The following GPR26 variants were observed in gnomAD, a reference collection of about 807,000 sequenced individuals.
GPR26 encodes G protein-coupled receptor 26.
In GPR26, 15 loss-of-function variants were observed where a neutral mutation model predicts 23.1. That is an observed-to-expected ratio of 0.65 (90% CI 0.43 to 1.00). GPR26 has a LOEUF of 1.00. Ranked by LOEUF, GPR26 falls within the 50% of genes least tolerant of loss-of-function variation. GPR26 has a pLI of 0.00. For missense variants in GPR26, 359 were observed against 470.5 expected (o/e 0.76, Z 2.19); for synonymous variants, 228 against 222.1 (o/e 1.03, Z -0.24).
intron 2 of GPR26, among the ~76,000 whole-genome samples, chr10:123,681,971 G>C (rs1048489577): frequency 1.3e-5 from 2 of 152,184 alleles, no homozygotes; most frequent in Non-Finnish European, 2.9e-5. Context: ...CATATGGGTA[G>C]GGAGTGACTG....
intron 2 of GPR26, among the ~76,000 whole-genome samples, chr10:123,675,809 TGTGTGTGTACGTGTGTGTGTGTAC>T (rs1845299972): frequency 1.7e-5 from 2 of 116,412 alleles, no homozygotes; most frequent in East Asian, 3.9e-4. Flanking sequence ...TGTGTGTGTG[TGTGTGTGTACGTGTGTGTGTGTAC>T]GTGTGTGTGT....
chr10:123,696,242 C>CT lies in GPR26; in HGVS notation c.*8085dup, dbSNP rs958009896. ...ACACACTCATTTCGCCACACGGAGG[C>CT]TTTACTCTGCCCAGTGTCCAATGGG... On this transcript the variant is annotated 3_prime_UTR_variant, in exon 3 of 3. Transcript: ENST00000284674. Among the ~76,000 whole-genome samples the CT allele has an allele frequency of 6.6e-6, 1 of 152,176 alleles. No homozygotes were observed. The highest frequency in any genetic ancestry group is 2.4e-5 in the African/African-American group (1 of 41,456).
chr10:123,687,829 CGAAACCGTGG>C lies in GPR26; in HGVS notation c.783-99_783-90del. On this transcript the variant is annotated intron_variant, in intron 2 of 2. Coordinates refer to ENST00000284674, the MANE Select transcript of GPR26 (RefSeq NM_153442.4). ...CTCAGATAAATTGAGGGTTGGGCTG[CGAAACCGTGG>C]TCTGCAGGGCACAGACAGGCCCTGG... 3 of 739,538 alleles carry C rather than the reference CGAAACCGTGG, an allele frequency of 4.1e-6. No homozygotes were observed. The South Asian group carries it at 4.8e-5, about 12-fold the overall frequency. 45.8% of individuals were successfully genotyped at this position (739,538 alleles called of 1,614,324 possible).
In GPR26 at chr10:123,689,872, C is replaced by T. The variant is rs1470081805; in HGVS notation, c.*1712C>T. 1.3e-5 allele frequency: 2 copies of T among 152,164 alleles called. No homozygotes were observed. Among genetic ancestry groups the T allele is most frequent in the African/African-American group, 4.8e-5 (2 of 41,418 alleles). 9.4% of individuals were successfully genotyped at this position (152,164 alleles called of 1,614,324 possible). A position where few individuals can be genotyped will look rare whatever the true frequency, so the allele number is the denominator to read the frequency against. ...GTAGCTTCCAAGGAGGCCTTGGCAT[C>T]TTGCAGTTGCTGTCAGAGATGGGCT... On this transcript the variant is annotated 3_prime_UTR_variant, in exon 3 of 3. Coordinates refer to ENST00000284674, the MANE Select transcript of GPR26 (RefSeq NM_153442.4).
chr10:123,683,522 A>G (rs1052484724), intron 2 of GPR26, among the ~76,000 whole-genome samples: 1 of 152,330 alleles, frequency 6.6e-6, no homozygotes, highest in African/African-American at 2.4e-5. Context: ...GTCTCTCCAG[A>G]GGCTCAGAGA....
At chr10:123,681,500 G>A (rs1337013639) in intron 2 of GPR26, among the ~76,000 whole-genome samples, 1 of 152,198 alleles carries the variant, frequency 6.6e-6, no homozygotes, top group Non-Finnish European at 1.5e-5. Context: ...CAGCCTTGCC[G>A]CTTCCACCCG....
rs1375421987 is a variant in GPR26, at chr10:123,692,673, T to C, written c.*4513T>C. ...TGCAGGTTCAGGGGAGAAAGTTGTT[T>C]GAGATCAGGGTTTAGGGGTAGTGTT... On this transcript the variant is annotated 3_prime_UTR_variant, in exon 3 of 3. Coordinates refer to ENST00000284674, the MANE Select transcript of GPR26 (RefSeq NM_153442.4). The C allele has an allele frequency of 6.6e-6, 1 of 152,258 alleles. No homozygotes were observed. Among genetic ancestry groups the C allele is most frequent in the Non-Finnish European group, 1.5e-5 (1 of 68,084 alleles). 9.4% of individuals were successfully genotyped at this position (152,258 alleles called of 1,614,324 possible).
rs1480087718 is a variant in GPR26, at chr10:123,690,336, T to A, written c.*2176T>A. 6.6e-6 allele frequency: 1 copy of A among 152,200 alleles called. No homozygotes were observed. The highest frequency in any genetic ancestry group is 2.4e-5 in the African/African-American group (1 of 41,442). 9.4% of individuals were successfully genotyped at this position (152,200 alleles called of 1,614,324 possible). A position where few individuals can be genotyped will look rare whatever the true frequency, so the allele number is the denominator to read the frequency against. On this transcript the variant is annotated 3_prime_UTR_variant, in exon 3 of 3. Transcript: ENST00000284674. ...AGTTGGGCAAAAGTGGCCCAGTGCG[T>A]GAGGTCAGTCAACAGCCAAATTCCA...
intron 2 of GPR26, among the ~76,000 whole-genome samples, chr10:123,675,384 T>A (rs1023646276): frequency 6.6e-6 from 1 of 152,126 alleles, no homozygotes; most frequent in African/African-American, 2.4e-5. Context: ...ACCTGCCACC[T>A]GCACAGGGAG....
chr10:123,688,560 G>C lies in GPR26; in HGVS notation c.*400G>C, dbSNP rs529184064. 1.8e-5 allele frequency: 4 copies of C among 226,162 alleles called. No homozygotes were observed. The highest frequency in any genetic ancestry group is 2.7e-5 in the Non-Finnish European group (3 of 112,970). 14.0% of individuals were successfully genotyped at this position (226,162 alleles called of 1,614,324 possible). On this transcript the variant is annotated 3_prime_UTR_variant, in exon 3 of 3. Transcript: ENST00000284674. ...TGCTCCATGCTGAAGAAAAGTGACA[G>C]TCTCCAGGGGACATTTCAGCCATGC...
intron 1 of GPR26, 72 bp downstream of exon 1, chr10:123,667,147 C>G: frequency 8.8e-7 from 1 of 1,142,696 alleles, no homozygotes; most frequent in Non-Finnish European, 1.2e-6. Context: ...GTCCCTAGCC[C>G]CAGGGGCTCT....
intron 1 of GPR26, among the ~76,000 whole-genome samples, chr10:123,668,141 C>G (rs1845209437): frequency 6.6e-6 from 1 of 152,116 alleles, no homozygotes; most frequent in African/African-American, 2.4e-5. Flanking sequence ...CCCTGGGAAC[C>G]CAGGGGAGCC....
rs1165053977 is a variant in GPR26 at position 123,666,479 on chromosome 10, G to C, written c.72G>C (p.Ala24=). ...TGGGCGTCTCGCTGCTGTCCAACGC[G>C]CTGGTGCTGCTCTGCCTGCTGCACA... The part of the protein sequence containing the change: ...GTMGVSLLSN[A]LVLLCLLHSA... The change falls in exon 1 of 3, where the codon GCG becomes GCC. Residue 24 remains alanine, a synonymous_variant. Transcript: ENST00000284674. The C allele has an allele frequency of 1.3e-6, 2 of 1,560,260 alleles. No individual in the cohort carries two copies. The highest frequency in any genetic ancestry group is 2.3e-5 in the South Asian group (2 of 85,148).
At chr10:123,667,812 G>C (rs1845205106) in intron 1 of GPR26, among the ~76,000 whole-genome samples, 1 of 152,152 alleles carries the variant, frequency 6.6e-6, no homozygotes, top group South Asian at 2.1e-4. Context: ...CAGGAGGGCA[G>C]ATGGAGCTGG....
chr10:123,675,805 T>TGTGTGTGTGTGTGTGTGTGTGTAC (rs1564731048), intron 2 of GPR26, among the ~76,000 whole-genome samples: 11 of 119,728 alleles, frequency 9.2e-5, no homozygotes, highest in Middle Eastern at 8.2e-3. Flanking sequence ...TTTCTGTGTG[T>TGTGTGTGTGTGTGTGTGTGTGTAC]GTGTGTGTGT....
In GPR26 at chr10:123,666,426, G is replaced by T; in HGVS notation, c.19G>T (p.Gly7Cys). Residue 7 changes from glycine to cysteine, a missense_variant, in exon 1 of 3, where the codon GGC becomes TGC. Coordinates refer to ENST00000284674, the MANE Select transcript of GPR26 (RefSeq NM_153442.4). ...GCGCACCATGAACTCGTGGGACGCG[G>T]GCCTGGCGGGGCTACTGGTGGGCAC... MNSWDA[G>C]LAGLLVGTMG... is the part of the protein sequence containing the mutation. 6.6e-7 allele frequency: 1 copy of T among 1,522,536 alleles called. No homozygotes were observed. The highest frequency in any genetic ancestry group is 8.7e-7 in the Non-Finnish European group (1 of 1,144,316). The allele number at this position is 1,522,536 out of a possible 1,614,324, so 94.3% of individuals were successfully genotyped here. A position where few individuals can be genotyped will look rare whatever the true frequency, so the allele number is the denominator to read the frequency against.
chr10:123,678,294 TC>T (rs1200154874), intron 2 of GPR26, among the ~76,000 whole-genome samples: 2 of 152,106 alleles, frequency 1.3e-5, no homozygotes, highest in African/African-American at 4.8e-5. Flanking sequence ...AGTGCCCTTC[TC>T]CCCACCCCTC....
At chr10:123,671,380 C>G (rs1317120722) in intron 1 of GPR26, among the ~76,000 whole-genome samples, 1 of 152,146 alleles carries the variant, frequency 6.6e-6, no homozygotes, top group African/African-American at 2.4e-5. Context: ...TGTGTCACAG[C>G]CTCGGGACCT....
chr10:123,675,837 T>TGTGTGTGTAC (rs1334454494), intron 2 of GPR26, among the ~76,000 whole-genome samples: 3 of 145,088 alleles, frequency 2.1e-5, no homozygotes, highest in Non-Finnish European at 3.1e-5. Context: ...TGTGTACGTG[T>TGTGTGTGTAC]GTGTGTGTGT....
Sources: gnomAD v4.1 joint callset for allele counts (sites outside exome capture counted in the v4.1 genomes callset) on GRCh38, gnomAD v4.1.1 for gene constraint, MANE v1.5 for transcripts, NCBI Gene and HGNC (gene_info 2026-07-23, HGNC 2026-07-21) for gene names.